The following SGCZ variants were observed in gnomAD, a reference collection of about 807,000 sequenced individuals.
SGCZ encodes zeta-sarcoglycan.
Under a neutral mutation model 41.3 loss-of-function variants are expected in SGCZ, and 40 were observed. That is an observed-to-expected ratio of 0.97 (90% confidence interval 0.75 to 1.26). The LOEUF (loss-of-function observed/expected upper bound fraction) is 1.26, where lower values mean the gene tolerates loss of function less well. Ranked by LOEUF, SGCZ falls within the 50% of genes most tolerant of loss-of-function variation. The probability of loss-of-function intolerance (pLI) is 0.00; values close to 1 mark genes in which losing one functional copy is unlikely to be tolerated. For missense variants in SGCZ, 552 were observed against 369.8 expected (o/e 1.49, Z -4.04); for synonymous variants, 206 against 137.5 (o/e 1.50, Z -3.49).
At position 14,879,595 on chromosome 8, in the gene SGCZ, G is replaced by GACACACACACAC. The variant is rs33933535; in HGVS notation, c.40-324681_40-324670dup. Among the ~76,000 whole-genome samples the GACACACACACAC allele has an allele frequency of 6.8e-5, 10 of 147,116 alleles. No individual in the cohort carries two copies. In the East Asian group the frequency reaches 2.1e-3, roughly 31 times the overall value. On this transcript the variant is annotated intron_variant, in intron 1 of 7. Transcript: ENST00000382080. ...GGAGATACACACACACAGACACACA[G>GACACACACACAC]ACACACACACACACACACACACACA...
chr8:14,597,909 T>C (rs1268855386), intron 1 of SGCZ, among the ~76,000 whole-genome samples: 2 of 152,232 alleles, frequency 1.3e-5, no homozygotes, highest in Non-Finnish European at 2.9e-5. Context: ...ATACAAAACC[T>C]ATTCCTTTTG....
At chr8:14,633,495 C>T (rs924692064) in intron 1 of SGCZ, among the ~76,000 whole-genome samples, 2 of 151,710 alleles carry the variant, frequency 1.3e-5, no homozygotes. Context: ...TAAGCAAAAT[C>T]ATTTATTATT....
At chr8:15,010,865 A>C (rs893315543) in intron 1 of SGCZ, among the ~76,000 whole-genome samples, 1 of 152,152 alleles carries the variant, frequency 6.6e-6, no homozygotes, top group East Asian at 1.9e-4. Context: ...GCCAAACAAT[A>C]ATTTGCACAG....
chr8:14,301,261 T>C (rs1197819444), intron 3 of SGCZ, among the ~76,000 whole-genome samples: 1 of 152,038 alleles, frequency 6.6e-6, no homozygotes, highest in African/African-American at 2.4e-5. Context: ...TACATCTATC[T>C]CTCTTTATAG....
intron 1 of SGCZ, among the ~76,000 whole-genome samples, chr8:14,566,691 C>T (rs1804374332): frequency 6.6e-6 from 1 of 152,246 alleles, no homozygotes; most frequent in Non-Finnish European, 1.5e-5. Flanking sequence ...TCGCTCTCGG[C>T]ACCTCCTCGG....
intron 1 of SGCZ, among the ~76,000 whole-genome samples, chr8:14,913,631 T>C (rs1319573503): frequency 6.6e-6 from 1 of 152,134 alleles, no homozygotes; most frequent in African/African-American, 2.4e-5. Context: ...TATACATTAA[T>C]TTAATTTTCA....
At chr8:14,845,432 G>A (rs1803066907) in intron 1 of SGCZ, among the ~76,000 whole-genome samples, 1 of 152,080 alleles carries the variant, frequency 6.6e-6, no homozygotes, top group Non-Finnish European at 1.5e-5. Flanking sequence ...ATTTCACAAT[G>A]CCTGAAAACT....
chr8:15,146,629 A>C (rs972442684), intron 1 of SGCZ, among the ~76,000 whole-genome samples: 1 of 152,244 alleles, frequency 6.6e-6, no homozygotes, highest in Non-Finnish European at 1.5e-5. Flanking sequence ...CTATATGAAG[A>C]TAATACTAAA....
chr8:14,121,639 T>C (rs1004621001), intron 5 of SGCZ, among the ~76,000 whole-genome samples: 15 of 152,276 alleles, frequency 9.9e-5, no homozygotes, highest in African/African-American at 3.1e-4. Context: ...GTTAAGTTAT[T>C]GTGTAGCAAA....
At chr8:15,181,493 A>C (rs1048535750) in intron 1 of SGCZ, among the ~76,000 whole-genome samples, 25 of 152,160 alleles carry the variant, frequency 1.6e-4, no homozygotes, top group Admixed American at 4.6e-4. Context: ...CAGCTCATAC[A>C]AACAGTGTGA....
chr8:14,633,628 T>A (rs544519646), intron 1 of SGCZ, among the ~76,000 whole-genome samples: 2 of 151,964 alleles, frequency 1.3e-5, no homozygotes, highest in African/African-American at 2.4e-5. Context: ...CAGCTGTTTT[T>A]ATCTAATTAG....
intron 1 of SGCZ, among the ~76,000 whole-genome samples, chr8:14,798,014 G>C (rs1801194285): frequency 6.6e-6 from 1 of 152,226 alleles, no homozygotes; most frequent in Non-Finnish European, 1.5e-5. Flanking sequence ...GTTTGCTGCA[G>C]GGGCGGGGCC....
intron 1 of SGCZ, among the ~76,000 whole-genome samples, chr8:14,710,945 CT>C (rs1221951304): frequency 6.6e-6 from 1 of 152,058 alleles, no homozygotes; most frequent in East Asian, 1.9e-4. Context: ...GTCACAATAA[CT>C]TTAGAAGAAA....
chr8:14,289,557 G>A (rs1800769571), intron 3 of SGCZ, among the ~76,000 whole-genome samples: 1 of 151,972 alleles, frequency 6.6e-6, no homozygotes, highest in Non-Finnish European at 1.5e-5. Context: ...TTATACTCTT[G>A]TCAAAACTCA....
At chr8:14,405,177 T>C (rs1563308153) in intron 2 of SGCZ, among the ~76,000 whole-genome samples, 1 of 152,226 alleles carries the variant, frequency 6.6e-6, no homozygotes, top group Non-Finnish European at 1.5e-5. Flanking sequence ...ATTACTCCTC[T>C]GTAATGAGTT....
chr8:14,713,989 G>T (rs1337194635), intron 1 of SGCZ, among the ~76,000 whole-genome samples: 1 of 152,024 alleles, frequency 6.6e-6, no homozygotes, highest in African/African-American at 2.4e-5. Context: ...TTTGTTTTCA[G>T]ATGGAGTCTC....
At chr8:14,552,429 G>A (rs1305768125) in intron 2 of SGCZ, among the ~76,000 whole-genome samples, 3 of 151,964 alleles carry the variant, frequency 2.0e-5, no homozygotes, top group Non-Finnish European at 4.4e-5. Flanking sequence ...TCAGCTACAT[G>A]CAAATAGTTT....
At chr8:14,183,994 G>C (rs533455853) in intron 4 of SGCZ, among the ~76,000 whole-genome samples, 1 of 152,040 alleles carries the variant, frequency 6.6e-6, no homozygotes, top group Non-Finnish European at 1.5e-5. Flanking sequence ...CTGAATACAA[G>C]GCCAATATAT....
chr8:14,982,781 G>A (rs1435279518), intron 1 of SGCZ, among the ~76,000 whole-genome samples: 1 of 152,136 alleles, frequency 6.6e-6, no homozygotes, highest in African/African-American at 2.4e-5. Flanking sequence ...ATATAATTCA[G>A]GGGTGGGTGA....
Sources: allele counts gnomAD v4.1 joint callset (sites outside exome capture counted in the v4.1 genomes callset), GRCh38; gene constraint gnomAD v4.1.1; transcripts MANE v1.5; gene names NCBI Gene and HGNC (gene_info 2026-07-23, HGNC 2026-07-21).